VEZT: variants seen among roughly 807,000 people sequenced by gnomAD.
VEZT encodes vezatin, adherens junctions transmembrane protein.
A neutral mutation model predicts 79.9 loss-of-function variants in VEZT; 39 were observed. The ratio of observed to expected loss-of-function variants is 0.49; its 90% CI spans 0.38 to 0.64. The LOEUF (loss-of-function observed/expected upper bound fraction) is 0.64. Ranked by LOEUF, VEZT falls within the 30% of genes least tolerant of loss-of-function variation. The probability of loss-of-function intolerance (pLI) is 0.00; values close to 1 mark genes in which losing one functional copy is unlikely to be tolerated. For synonymous variants in VEZT, 325 were observed against 327.6 expected, an observed-to-expected ratio of 0.99 and a Z score of 0.09; for missense variants, 837 against 893.1, an observed-to-expected ratio of 0.94 and a Z score of 0.80.
intron 8 of VEZT, chr12:95,286,344 T>C (rs777528147): frequency 1.3e-5 from 6 of 455,422 alleles, no homozygotes; most frequent in Non-Finnish European, 2.6e-5. Context: ...TTAGTCTTTC[T>C]TCATAAAAAG....
At chr12:95,290,133 A>G (rs2072336023) in intron 9 of VEZT, among the ~76,000 whole-genome samples, 1 of 152,192 alleles carries the variant, frequency 6.6e-6, no homozygotes, top group South Asian at 2.1e-4. Flanking sequence ...TTATATGTCT[A>G]GACCTAGATT....
At chr12:95,281,282 G>A (rs1212312288) in intron 7 of VEZT, among the ~76,000 whole-genome samples, 1 of 152,086 alleles carries the variant, frequency 6.6e-6, no homozygotes, top group Non-Finnish European at 1.5e-5. Context: ...AGAAGAATGG[G>A]ATTTATCCTG....
At chr12:95,247,188 G>T (rs1292736319) in intron 1 of VEZT, among the ~76,000 whole-genome samples, 1 of 152,134 alleles carries the variant, frequency 6.6e-6, no homozygotes, top group African/African-American at 2.4e-5. Flanking sequence ...TCATCAGATG[G>T]TTGCATATTC....
In VEZT at chr12:95,270,263, T is replaced by C. The variant is rs867180667; in HGVS notation, c.848+75T>C. On this transcript the variant is annotated intron_variant, in intron 6 of 11. Coordinates refer to ENST00000436874, the MANE Select transcript of VEZT (RefSeq NM_017599.4). ...GAATATAGATATTATAGTTGTATCC[T>C]GTGAAAGTTTACTGTAAAGTGAGAT... 1.8e-5 allele frequency: 26 copies of C among 1,419,160 alleles called. No homozygotes were observed. In the Middle Eastern group the frequency reaches 5.3e-4, roughly 29 times the overall value. The allele number at this position is 1,419,160 out of a possible 1,614,324, so 87.9% of individuals were successfully genotyped here. A position where few individuals can be genotyped will look rare whatever the true frequency, so the allele number is the denominator to read the frequency against.
chr12:95,288,468 T>A (rs1160797043), intron 9 of VEZT, among the ~76,000 whole-genome samples: 1 of 152,186 alleles, frequency 6.6e-6, no homozygotes, highest in Admixed American at 6.5e-5. Flanking sequence ...TTTTTCAATG[T>A]TTGGCATATC....
At chr12:95,286,451 C>T (rs1057255917) in intron 8 of VEZT, 5 of 549,536 alleles carry the variant, frequency 9.1e-6, no homozygotes, top group Non-Finnish European at 1.5e-5. Flanking sequence ...ATCAATTCTT[C>T]ACTGCCATCT....
rs1011654054 is a variant in VEZT at position 95,273,635 on chromosome 12, T to A, written c.849-1107T>A. 1.4e-4 allele frequency among the ~76,000 whole-genome samples: 21 copies of A among 152,332 alleles called. 1 individual carries two copies. The highest frequency in any genetic ancestry group is 5.1e-4 in the African/African-American group (21 of 41,584). On this transcript the variant is annotated intron_variant, in intron 6 of 11. Coordinates refer to ENST00000436874, the MANE Select transcript of VEZT (RefSeq NM_017599.4). ...CAGATGGTTTTATAGTTAAAAAAAA[T>A]TTCAGACTATAGAAAAGGTTAGAAA...
At chr12:95,285,982 C>G (rs1402759965) in intron 8 of VEZT, among the ~76,000 whole-genome samples, 1 of 85,832 alleles carries the variant, frequency 1.2e-5, no homozygotes, top group Non-Finnish European at 2.2e-5. Context: ...CCGACCCCTT[C>G]TTTTTTTTTT....
At chr12:95,282,814 A>G (rs2069537217) in intron 8 of VEZT, among the ~76,000 whole-genome samples, 170 bp downstream of exon 8, 1 of 152,146 alleles carries the variant, frequency 6.6e-6, no homozygotes, top group African/African-American at 2.4e-5. Flanking sequence ...AATAATTTAT[A>G]AGTACTATAA....
chr12:95,285,982 CTTTTTTTTT>C (rs869030351), intron 8 of VEZT, among the ~76,000 whole-genome samples: 1 of 85,832 alleles, frequency 1.2e-5, no homozygotes, highest in Non-Finnish European at 2.2e-5. Context: ...CCGACCCCTT[CTTTTTTTTT>C]TTTTTTTTTT....
chr12:95,300,251 A>C lies in VEZT; in HGVS notation c.1918A>C (p.Ser640Arg). The C allele has an allele frequency of 6.3e-7, 1 of 1,579,260 alleles. No homozygotes were observed. The highest frequency in any genetic ancestry group is 8.6e-7 in the Non-Finnish European group (1 of 1,161,850). The change falls in exon 12 of 12, where the codon AGT becomes CGT. Residue 640 changes from serine (S) to arginine (R), a missense_variant. Physicochemically the swap from Ser to Arg is moderately radical, Grantham distance 110. Coordinates refer to ENST00000436874, the MANE Select transcript of VEZT (RefSeq NM_017599.4). ...PSMNSDMGKV[S>R]KNDTEEESNK... ...AATGAATTCAGATATGGGAAAAGTC[A>C]GTAAAAATGATACTGAAGAGGAAAG...
chr12:95,221,679 T>TAAAA (rs368598048), intron 1 of VEZT, among the ~76,000 whole-genome samples: 15 of 143,248 alleles, frequency 1.0e-4, no homozygotes, highest in South Asian at 4.4e-4. Flanking sequence ...CCCTGCATAT[T>TAAAA]AAAAAAAAAA....
chr12:95,246,477 A>G (rs2061740266), intron 1 of VEZT, among the ~76,000 whole-genome samples: 2 of 152,222 alleles, frequency 1.3e-5, no homozygotes, highest in Admixed American at 1.3e-4. Flanking sequence ...AAGAAGTGTC[A>G]GTAGTGTAGG....
Position 95,287,839 on chromosome 12 carries a change from A to G in VEZT, c.1504A>G (p.Arg502Gly), listed in dbSNP as rs542532549. The part of the protein sequence containing the change: ...AISQVDKLLR[R>G]NTDKKGKPEI... The stretch of plus-strand genomic sequence containing the variant: ...TTCTCAGGTCGACAAACTGCTACGA[A>G]GAAATACAGATAAAAAAGGTACCTG... Residue 502 changes from arginine (R) to glycine (G), a missense_variant, in exon 9 of 12, where the codon AGA (arginine) becomes GGA (glycine). Transcript: ENST00000436874. The G allele has an allele frequency of 1.9e-6, 3 of 1,597,802 alleles. No individual in the cohort carries two copies. The East Asian group carries it at 6.8e-5, about 36-fold the overall frequency.
At chr12:95,228,446 TTG>T (rs2058794481) in intron 1 of VEZT, among the ~76,000 whole-genome samples, 1 of 152,180 alleles carries the variant, frequency 6.6e-6, no homozygotes, top group South Asian at 2.1e-4. Context: ...ATTTGCTATT[TTG>T]ATAATGGAGC....
At chr12:95,251,156 A>G (rs987888523) in intron 1 of VEZT, among the ~76,000 whole-genome samples, 2 of 152,066 alleles carry the variant, frequency 1.3e-5, no homozygotes, top group Admixed American at 6.6e-5. Context: ...GATTACAGGC[A>G]CAAGCCTTCA....
At chr12:95,244,242 T>A (rs1216398546) in intron 1 of VEZT, among the ~76,000 whole-genome samples, 2 of 151,834 alleles carry the variant, frequency 1.3e-5, no homozygotes, top group Non-Finnish European at 2.9e-5. Context: ...TAAAAAACAA[T>A]TAGCCGGACA....
chr12:95,232,006 T>G (rs2059341510), intron 1 of VEZT, among the ~76,000 whole-genome samples: 1 of 152,186 alleles, frequency 6.6e-6, no homozygotes, highest in Non-Finnish European at 1.5e-5. Context: ...TACTCATCAC[T>G]TTATTTTGTG....
At chr12:95,246,618 G>T (rs2061757981) in intron 1 of VEZT, among the ~76,000 whole-genome samples, 1 of 152,110 alleles carries the variant, frequency 6.6e-6, no homozygotes, top group Non-Finnish European at 1.5e-5. Flanking sequence ...AAAGGTTCTT[G>T]GCTGTTTTTC....
Sources: allele counts gnomAD v4.1 joint callset (sites outside exome capture counted in the v4.1 genomes callset), GRCh38; gene constraint gnomAD v4.1.1; transcripts MANE v1.5; gene names NCBI Gene and HGNC (gene_info 2026-07-23, HGNC 2026-07-21).